NPLOC4: variants seen among roughly 807,000 people sequenced by gnomAD.
The protein encoded by NPLOC4 is NPL4 homolog, ubiquitin recognition factor, also known as nuclear protein localization protein 4 homolog.
In NPLOC4, 18 loss-of-function variants were observed where a neutral mutation model predicts 80.6. The observed-to-expected ratio is 0.22, with a 90% CI of 0.15 to 0.33. The LOEUF is 0.33. Among genes scored for constraint, NPLOC4 ranks in the 10% least tolerant of loss-of-function variants. The probability of loss-of-function intolerance (pLI) is 1.00; values close to 1 mark genes in which losing one functional copy is unlikely to be tolerated. For missense variants in NPLOC4, 540 were observed against 786.1 expected (o/e 0.69, Z 3.74); for synonymous variants, 313 against 301.5 (o/e 1.04, Z -0.39).
intron 3 of NPLOC4, among the ~76,000 whole-genome samples, chr17:81,620,064 G>A (rs529065468): frequency 6.6e-6 from 1 of 152,286 alleles, no homozygotes; most frequent in African/African-American, 2.4e-5. Context: ...CAGGTCAATG[G>A]ACCAAGTTCC....
intron 2 of NPLOC4, among the ~76,000 whole-genome samples, chr17:81,628,625 G>C (rs1398170680): frequency 1.3e-5 from 2 of 152,202 alleles, no homozygotes; most frequent in East Asian, 3.8e-4. Flanking sequence ...AAGGCTAATG[G>C]ATGTTTTTCA....
chr17:81,604,489 G>T, intron 8 of NPLOC4, 59 bp downstream of exon 8: 1 of 1,524,160 alleles, frequency 6.6e-7, no homozygotes, highest in African/African-American at 1.4e-5. Context: ...TCTCCGAAAG[G>T]GCGTCCCCCA....
At chr17:81,635,496 C>G (rs2036043122) in intron 1 of NPLOC4, among the ~76,000 whole-genome samples, 1 of 152,100 alleles carries the variant, frequency 6.6e-6, no homozygotes, top group Admixed American at 6.6e-5. Context: ...CACCAGAGAA[C>G]AGCCTTGCAA....
intron 16 of NPLOC4, among the ~76,000 whole-genome samples, chr17:81,561,525 T>A (rs1272679875): frequency 6.6e-6 from 1 of 152,368 alleles, no homozygotes; most frequent in South Asian, 2.1e-4. Flanking sequence ...AGGTCCTGCA[T>A]CCTGCCTAAA....
At chr17:81,597,426 G>A (rs1462124981) in intron 9 of NPLOC4, 110 bp from the exon 10 acceptor site, 4 of 798,170 alleles carry the variant, frequency 5.0e-6, no homozygotes, top group South Asian at 2.9e-5. Context: ...CGAGGCAGGA[G>A]AATCACGAGG....
intron 16 of NPLOC4, chr17:81,564,800 A>AC (rs1568115254): frequency 6.6e-6 from 1 of 152,632 alleles, no homozygotes; most frequent in African/African-American, 2.4e-5. Context: ...AAAAAAAAAA[A>AC]AAAAACAGGA....
At chr17:81,602,889 G>GTATATACACATACATACATATATATGTA (rs2035095850) in intron 8 of NPLOC4, among the ~76,000 whole-genome samples, 1 of 147,818 alleles carries the variant, frequency 6.8e-6, no homozygotes, top group Admixed American at 6.8e-5. Context: ...CACTATATAT[G>GTATATACACATACATACATATATATGTA]TATATACACA....
intron 3 of NPLOC4, 30 bp from the exon 4 acceptor site, chr17:81,613,524 C>T: frequency 1.3e-6 from 2 of 1,589,864 alleles, no homozygotes; most frequent in Non-Finnish European, 1.7e-6. Flanking sequence ...AGGCTGATGC[C>T]TTCCCTTACC....
At chr17:81,575,367 C>T (rs1174080946) in intron 12 of NPLOC4, among the ~76,000 whole-genome samples, 1 of 152,242 alleles carries the variant, frequency 6.6e-6, no homozygotes, top group African/African-American at 2.4e-5. Context: ...TCCCAAAGTG[C>T]TGGGACTACA....
chr17:81,604,212 G>A (rs2035138749), intron 8 of NPLOC4, among the ~76,000 whole-genome samples: 1 of 152,132 alleles, frequency 6.6e-6, no homozygotes, highest in African/African-American at 2.4e-5. Context: ...CTGCTGCATG[G>A]TGGAAGAGAC....
rs765207099 is a variant in NPLOC4, at chr17:81,572,471, G to A, written c.1282-383C>T. On this transcript the variant is annotated intron_variant, in intron 12 of 16. Transcript: ENST00000331134. The surrounding 1 kb of genome is among the most constrained non-coding windows in gnomAD (Gnocchi z 4.5). ...CCCCCAAAGTGCTGGGATTACAGGC[G>A]TGAGCCACCGCGTCCGGCCTTCACT... is the stretch of plus-strand genomic sequence containing the variant. 3.9e-5 allele frequency among the ~76,000 whole-genome samples: 6 copies of A among 152,170 alleles called. 1 individual carries two copies. In the South Asian group the frequency reaches 6.2e-4, roughly 16 times the overall value.
chr17:81,620,000 C>G (rs2035622181), intron 3 of NPLOC4, among the ~76,000 whole-genome samples: 1 of 152,130 alleles, frequency 6.6e-6, no homozygotes, highest in Non-Finnish European at 1.5e-5. Context: ...GAGGGTCATG[C>G]TGGAGGGTCT....
intron 4 of NPLOC4, among the ~76,000 whole-genome samples, 193 bp from the exon 5 acceptor site, chr17:81,610,451 A>C (rs1413586038): frequency 6.6e-6 from 1 of 152,122 alleles, no homozygotes; most frequent in African/African-American, 2.4e-5. Context: ...CTCTCACTCT[A>C]TCGCCCAGGC....
intron 1 of NPLOC4, among the ~76,000 whole-genome samples, chr17:81,636,095 C>T (rs1036611031): frequency 6.6e-6 from 1 of 152,060 alleles, no homozygotes; most frequent in Middle Eastern, 3.2e-3. Flanking sequence ...GCCTCAGCCT[C>T]CCAAGTATCT....
chr17:81,596,324 T>G, intron 10 of NPLOC4, 82 bp from the exon 11 acceptor site: 1 of 1,485,062 alleles, frequency 6.7e-7, no homozygotes, highest in Non-Finnish European at 9.1e-7. Context: ...AAATAAGAAC[T>G]AAGCCAGGAG....
At chr17:81,610,010 GAGA>G (rs1366838884) in intron 5 of NPLOC4, among the ~76,000 whole-genome samples, 197 bp downstream of exon 5, 7 of 152,154 alleles carry the variant, frequency 4.6e-5, no homozygotes, top group African/African-American at 1.2e-4. Flanking sequence ...ATAATCCAGC[GAGA>G]AGGTCACTCC....
intron 1 of NPLOC4, among the ~76,000 whole-genome samples, chr17:81,634,108 G>A (rs1025039597): frequency 6.0e-5 from 9 of 151,136 alleles, no homozygotes; most frequent in African/African-American, 2.2e-4. Context: ...CTGAGCTCAG[G>A]CAATCCACCT....
intron 11 of NPLOC4, among the ~76,000 whole-genome samples, chr17:81,595,533 T>C (rs1256029901): frequency 1.1e-5 from 1 of 92,172 alleles, no homozygotes; most frequent in Non-Finnish European, 2.5e-5. Context: ...TATATATATA[T>C]ATTTTTTTTT....
chr17:81,625,179 A>T (rs1030417239), intron 2 of NPLOC4, among the ~76,000 whole-genome samples: 13 of 152,208 alleles, frequency 8.5e-5, no homozygotes, highest in East Asian at 1.9e-4. Context: ...GAAAGGAAGG[A>T]GGTCAGAGTA....
Sources: gnomAD v4.1 joint callset for allele counts (sites outside exome capture counted in the v4.1 genomes callset) on GRCh38, gnomAD v4.1.1 for gene constraint, Gnocchi (gnomAD v3.1) non-coding constraint, MANE v1.5 for transcripts, NCBI Gene and HGNC (gene_info 2026-07-23, HGNC 2026-07-21) for gene names.